The following BRMS1L variants were observed in gnomAD, a reference collection of about 807,000 sequenced individuals.
BRMS1L encodes the protein breast cancer metastasis-suppressor 1-like protein.
In BRMS1L, 23 loss-of-function variants were observed where a neutral mutation model predicts 50.3. The ratio of observed to expected loss-of-function variants is 0.46; its 90% CI spans 0.33 to 0.65. The LOEUF is 0.65. Ranked by LOEUF, BRMS1L falls within the 30% of genes least tolerant of loss-of-function variation. BRMS1L has a pLI of 0.02. For missense variants in BRMS1L, 286 were observed against 386.1 expected (o/e 0.74, Z 2.17); for synonymous variants, 114 against 126.9 (o/e 0.90, Z 0.69).
intron 4 of BRMS1L, among the ~76,000 whole-genome samples, chr14:35,835,359 T>C (rs2077977711): frequency 6.6e-6 from 1 of 152,142 alleles, no homozygotes; most frequent in African/African-American, 2.4e-5. Context: ...AAAAAATAGG[T>C]ATATTTTTCT....
chr14:35,863,984 T>C (rs562635990), intron 6 of BRMS1L, 31 bp downstream of exon 6: 50 of 1,576,972 alleles, frequency 3.2e-5, no homozygotes, highest in Non-Finnish European at 4.0e-5. Flanking sequence ...TGTTTTTTTT[T>C]CCTTGATGTG....
chr14:35,834,030 G>T (rs1256794085), intron 3 of BRMS1L, among the ~76,000 whole-genome samples: 1 of 152,012 alleles, frequency 6.6e-6, no homozygotes, highest in Non-Finnish European at 1.5e-5. Flanking sequence ...TACTTGAGTC[G>T]ATTATTTACT....
intron 4 of BRMS1L, among the ~76,000 whole-genome samples, chr14:35,843,983 C>A (rs2078099116): frequency 6.6e-6 from 1 of 152,300 alleles, no homozygotes; most frequent in Admixed American, 6.5e-5. Context: ...TTTGTTTACA[C>A]TGTGAGGGGA....
In BRMS1L at chr14:35,826,450, G is replaced by A; in HGVS notation, c.-67G>A. On this transcript the variant is annotated 5_prime_UTR_variant, in exon 1 of 10. Transcript: ENST00000216807. ...CTGGGTGGGTTGGGGCGTTCCGCGC[G>A]CCCTTCATTGAAGCGGCGGTGGCCG... 6.5e-7 allele frequency: 1 copy of A among 1,546,864 alleles called. No homozygotes were observed. Among genetic ancestry groups the A allele is most frequent in the Non-Finnish European group, 8.7e-7 (1 of 1,146,398 alleles).
At chr14:35,830,969 G>T (rs1217850984) in intron 1 of BRMS1L, among the ~76,000 whole-genome samples, 2 of 142,160 alleles carry the variant, frequency 1.4e-5, no homozygotes, top group African/African-American at 2.7e-5. Flanking sequence ...TTTAGACTAG[G>T]TCACTCTGTC....
intron 7 of BRMS1L, 81 bp downstream of exon 7, chr14:35,865,080 C>A: frequency 9.7e-7 from 1 of 1,027,764 alleles, no homozygotes; most frequent in Non-Finnish European, 1.4e-6. Flanking sequence ...GTTAGTACAT[C>A]AAAATATTAT....
chr14:35,856,539 C>A (rs2078281062), intron 4 of BRMS1L, among the ~76,000 whole-genome samples: 1 of 151,614 alleles, frequency 6.6e-6, no homozygotes, highest in African/African-American at 2.4e-5. Flanking sequence ...AGAAATAAGT[C>A]TAAAGAAAGA....
At chr14:35,865,700 T>C (rs1307329747) in intron 7 of BRMS1L, 22 bp from the exon 8 acceptor site, 2 of 180,676 alleles carry the variant, frequency 1.1e-5, no homozygotes, top group Non-Finnish European at 2.0e-5. Context: ...TTTCTTCCTC[T>C]TTTTTTTTTT....
intron 4 of BRMS1L, among the ~76,000 whole-genome samples, chr14:35,839,607 C>A (rs1385269454): frequency 6.6e-6 from 1 of 152,032 alleles, no homozygotes; most frequent in Non-Finnish European, 1.5e-5. Context: ...AGTTAGATTC[C>A]TAGGTATTTT....
chr14:35,860,822 C>T (rs941250968), intron 4 of BRMS1L, among the ~76,000 whole-genome samples: 8 of 152,138 alleles, frequency 5.3e-5, no homozygotes, highest in African/African-American at 9.7e-5. Flanking sequence ...ACAGCATAGG[C>T]GTCAGCCTGG....
At chr14:35,838,574 C>T (rs1213281809) in intron 4 of BRMS1L, among the ~76,000 whole-genome samples, 9 of 152,126 alleles carry the variant, frequency 5.9e-5, no homozygotes, top group Non-Finnish European at 1.0e-4. Context: ...TTCTAACTGG[C>T]GTGAGATGGT....
At chr14:35,838,649 T>A (rs964844220) in intron 4 of BRMS1L, among the ~76,000 whole-genome samples, 9 of 152,244 alleles carry the variant, frequency 5.9e-5, no homozygotes, top group Non-Finnish European at 1.3e-4. Flanking sequence ...TTTTCATATG[T>A]TTGTTGGCTG....
At chr14:35,859,909 C>G (rs1056534386) in intron 4 of BRMS1L, among the ~76,000 whole-genome samples, 14 of 152,146 alleles carry the variant, frequency 9.2e-5, no homozygotes, top group Non-Finnish European at 1.6e-4. Flanking sequence ...GCCTCCGTAT[C>G]CCAAAGTGCT....
intron 8 of BRMS1L, among the ~76,000 whole-genome samples, chr14:35,866,637 C>T (rs753122276): frequency 3.9e-5 from 6 of 151,930 alleles, no homozygotes; most frequent in Admixed American, 6.5e-5. Flanking sequence ...CCCTGGAGGT[C>T]GAGGCTCCAG....
chr14:35,828,471 CTTT>C (rs780984053), intron 1 of BRMS1L, among the ~76,000 whole-genome samples: 3 of 99,270 alleles, frequency 3.0e-5, no homozygotes. Context: ...CATTCCCAGC[CTTT>C]TTTTTTTTTT....
intron 3 of BRMS1L, 56 bp downstream of exon 3, chr14:35,833,161 A>G (rs2077947258): frequency 1.3e-6 from 2 of 1,521,420 alleles, no homozygotes; most frequent in East Asian, 4.7e-5. Context: ...CAGTAGCTTT[A>G]AAAGGTGTTT....
At chr14:35,865,062 T>C in intron 7 of BRMS1L, 63 bp downstream of exon 7, 1 of 1,208,762 alleles carries the variant, frequency 8.3e-7, no homozygotes, top group Non-Finnish European at 1.1e-6. Flanking sequence ...AGATTCTATG[T>C]TTTTTTTGTT....
intron 5 of BRMS1L, 125 bp from the exon 6 acceptor site, chr14:35,863,745 C>A (rs1245128223): frequency 2.7e-6 from 2 of 744,042 alleles, no homozygotes; most frequent in Non-Finnish European, 4.5e-6. Context: ...TCTATATATA[C>A]CCAGCTGCCA....
chr14:35,854,076 T>C (rs1454767984), intron 4 of BRMS1L, among the ~76,000 whole-genome samples: 3 of 152,210 alleles, frequency 2.0e-5, no homozygotes, highest in Non-Finnish European at 2.9e-5. Flanking sequence ...TCCATCTTGC[T>C]TTTTACCCTT....
Sources: allele counts gnomAD v4.1 joint callset (sites outside exome capture counted in the v4.1 genomes callset), GRCh38; gene constraint gnomAD v4.1.1; transcripts MANE v1.5; gene names NCBI Gene and HGNC (gene_info 2026-07-23, HGNC 2026-07-21).